ZSCAN5A: variants seen among roughly 807,000 people sequenced by gnomAD.
ZSCAN5A encodes the protein zinc finger and SCAN domain containing 5A.
Under a neutral mutation model 23.7 loss-of-function variants are expected in ZSCAN5A, and 12 were observed. That is an observed-to-expected ratio of 0.51 (90% CI 0.32 to 0.82). The LOEUF (loss-of-function observed/expected upper bound fraction) is 0.82. ZSCAN5A is among the 40% of genes least tolerant of loss of function. ZSCAN5A has a pLI of 0.03. For missense variants in ZSCAN5A, 597 were observed against 617.9 expected (o/e 0.97, Z 0.36); for synonymous variants, 257 against 239.9 (o/e 1.07, Z -0.66).
At chr19:56,343,242 G>T in intron 2 of ZSCAN5A, 1 of 832,310 alleles carries the variant, frequency 1.2e-6, no homozygotes, top group Non-Finnish European at 2.0e-6. Flanking sequence ...TGATGTCCTT[G>T]GCAACCCCCT....
intron 2 of ZSCAN5A, among the ~76,000 whole-genome samples, chr19:56,322,590 C>T (rs548315852): frequency 7.2e-5 from 11 of 152,178 alleles, no homozygotes; most frequent in Non-Finnish European, 1.3e-4. Context: ...CTCATGTAAA[C>T]GCGTTCCCTC....
intron 2 of ZSCAN5A, chr19:56,343,092 C>A: frequency 2.6e-6 from 2 of 775,880 alleles, no homozygotes; most frequent in Admixed American, 3.5e-5. Context: ...AGAGGGCGGC[C>A]TTCGGGTCCT....
At chr19:56,343,158 C>G in intron 2 of ZSCAN5A, 1 of 719,962 alleles carries the variant, frequency 1.4e-6, no homozygotes, top group South Asian at 1.5e-5. Context: ...TTTATTTCAT[C>G]TCTAATTGCT....
chr19:56,295,175 T>C (rs1191785090), intron 2 of ZSCAN5A: 1 of 152,210 alleles, frequency 6.6e-6, no homozygotes, highest in African/African-American at 2.4e-5. Flanking sequence ...GTTATGTGAA[T>C]TATATTAATA....
intron 2 of ZSCAN5A, among the ~76,000 whole-genome samples, chr19:56,243,239 T>C (rs2035573143): frequency 6.6e-6 from 1 of 152,004 alleles, no homozygotes; most frequent in South Asian, 2.1e-4. Context: ...GGGTGATCAT[T>C]GATGGGGATG....
intron 2 of ZSCAN5A, among the ~76,000 whole-genome samples, chr19:56,303,149 G>A (rs145321023): frequency 9.0e-4 from 137 of 152,230 alleles, no homozygotes; most frequent in African/African-American, 2.7e-3. Flanking sequence ...CACCATGTGC[G>A]AGACTCAGAG....
At chr19:56,245,988 G>C (rs1013404473) in intron 2 of ZSCAN5A, among the ~76,000 whole-genome samples, 1 of 152,116 alleles carries the variant, frequency 6.6e-6, no homozygotes, top group African/African-American at 2.4e-5. Context: ...CAGGGGTTAG[G>C]GGCCTCCACC....
chr19:56,319,171 C>G (rs767236623), upstream of ZSCAN5A, among the ~76,000 whole-genome samples: 14 of 152,098 alleles, frequency 9.2e-5, no homozygotes, highest in Non-Finnish European at 1.9e-4. Flanking sequence ...GTCTCCCTTT[C>G]TTAAATCAGG....
At chr19:56,325,573 GA>G (rs1175104760) in intron 2 of ZSCAN5A, among the ~76,000 whole-genome samples, 1 of 152,070 alleles carries the variant, frequency 6.6e-6, no homozygotes, top group Non-Finnish European at 1.5e-5. Flanking sequence ...TTGCCAGATA[GA>G]ATGCATCCAG....
chr19:56,345,950 C>T (rs547045567), intron 2 of ZSCAN5A, among the ~76,000 whole-genome samples: 2 of 152,244 alleles, frequency 1.3e-5, no homozygotes, highest in African/African-American at 4.8e-5. Flanking sequence ...TCTGTTTACA[C>T]TCTTGGGGTT....
At chr19:56,341,039 C>T (rs1568759894) in intron 2 of ZSCAN5A, 1 of 152,242 alleles carries the variant, frequency 6.6e-6, no homozygotes, top group Non-Finnish European at 1.5e-5. Context: ...AATCTGCCTA[C>T]TTCTGTCAAT....
intron 2 of ZSCAN5A, among the ~76,000 whole-genome samples, chr19:56,306,355 A>G (rs1478203093): frequency 1.7e-5 from 2 of 118,910 alleles, no homozygotes; most frequent in Non-Finnish European, 3.7e-5. Flanking sequence ...GATAGCTACA[A>G]AGAGGCTCCT....
chr19:56,237,239 C>T (rs914831061), intron 2 of ZSCAN5A, among the ~76,000 whole-genome samples: 5 of 152,308 alleles, frequency 3.3e-5, no homozygotes, highest in African/African-American at 4.8e-5. Context: ...CTGTTCAACA[C>T]GCCTAGAACG....
chr19:56,248,977 C>T (rs897573101), intron 2 of ZSCAN5A, among the ~76,000 whole-genome samples: 1 of 152,204 alleles, frequency 6.6e-6, no homozygotes, highest in East Asian at 1.9e-4. Flanking sequence ...CATGAGTATC[C>T]ACCACTGGAG....
At chr19:56,279,849 GT>G (rs1403625767) in intron 2 of ZSCAN5A, among the ~76,000 whole-genome samples, 1 of 151,810 alleles carries the variant, frequency 6.6e-6, no homozygotes, top group African/African-American at 2.4e-5. Context: ...TAATTAAAAT[GT>G]TTTATGTTAA....
intron 2 of ZSCAN5A, among the ~76,000 whole-genome samples, chr19:56,349,395 G>A (rs1247742109): frequency 6.6e-6 from 1 of 152,120 alleles, no homozygotes; most frequent in African/African-American, 2.4e-5. Flanking sequence ...CAATATCAGT[G>A]TGAAGAAATA....
At chr19:56,228,694 T>C (rs922009328) in intron 2 of ZSCAN5A, among the ~76,000 whole-genome samples, 1 of 152,118 alleles carries the variant, frequency 6.6e-6, no homozygotes, top group Non-Finnish European at 1.5e-5. Flanking sequence ...CATATGAATG[T>C]CAAGATACTG....
chr19:56,348,228 C>G (rs552851200), intron 2 of ZSCAN5A: 1 of 152,186 alleles, frequency 6.6e-6, no homozygotes, highest in South Asian at 2.1e-4. Flanking sequence ...AACACTAGAG[C>G]TAGTCTCTCT....
chr19:56,286,504 T>C (rs911801297), intron 2 of ZSCAN5A: 3 of 152,164 alleles, frequency 2.0e-5, no homozygotes, highest in Non-Finnish European at 4.4e-5. Context: ...AAAGTTGCTT[T>C]ATACCGCTTG....
Sources: allele counts gnomAD v4.1 joint callset (sites outside exome capture counted in the v4.1 genomes callset), GRCh38; gene constraint gnomAD v4.1.1; transcripts MANE v1.5; gene names NCBI Gene and HGNC (gene_info 2026-07-23, HGNC 2026-07-21).